ATG10: variants seen among roughly 807,000 people sequenced by gnomAD.
The protein encoded by ATG10 is autophagy related 10.
In ATG10, 30 loss-of-function variants were observed where a neutral mutation model predicts 32.1. The ratio of observed to expected loss-of-function variants is 0.94; its 90% CI spans 0.70 to 1.27. The LOEUF (loss-of-function observed/expected upper bound fraction) is 1.27, where lower values mean the gene tolerates loss of function less well. Ranked by LOEUF, ATG10 falls within the 50% of genes most tolerant of loss-of-function variation. The pLI is 0.00. For synonymous variants in ATG10, 87 were observed against 91.5 expected (o/e 0.95, Z 0.28); for missense variants, 233 against 262.3 (o/e 0.89, Z 0.77).
intron 3 of ATG10, among the ~76,000 whole-genome samples, chr5:82,106,587 G>A (rs1765450880): frequency 6.6e-6 from 1 of 151,986 alleles, no homozygotes; most frequent in Admixed American, 6.6e-5. Flanking sequence ...TTATAGTAGA[G>A]CTAAAAGCAT....
At chr5:82,009,937 A>T in intron 2 of ATG10, 1 of 1,611,728 alleles carries the variant, frequency 6.2e-7, no homozygotes, top group South Asian at 1.1e-5. Context: ...ATTCTGTGAA[A>T]GCAGGAACCC....
chr5:82,221,646 A>G (rs1745933647), intron 5 of ATG10, among the ~76,000 whole-genome samples: 1 of 152,208 alleles, frequency 6.6e-6, no homozygotes, highest in Non-Finnish European at 1.5e-5. Flanking sequence ...CGAAGCCACC[A>G]TTTATTTGAT....
intron 3 of ATG10, among the ~76,000 whole-genome samples, chr5:82,127,689 T>C (rs1766337886): frequency 6.6e-6 from 1 of 152,124 alleles, no homozygotes; most frequent in Non-Finnish European, 1.5e-5. Context: ...CTGAGGAGTA[T>C]TTTATTTCCA....
chr5:82,052,636 C>G (rs1289130257), intron 2 of ATG10, among the ~76,000 whole-genome samples: 1 of 152,100 alleles, frequency 6.6e-6, no homozygotes, highest in Non-Finnish European at 1.5e-5. Flanking sequence ...TTACTCAAAC[C>G]TTTAGAGGTT....
intron 3 of ATG10, among the ~76,000 whole-genome samples, chr5:82,084,296 G>C (rs1764588258): frequency 6.6e-6 from 1 of 152,130 alleles, no homozygotes; most frequent in Non-Finnish European, 1.5e-5. Context: ...AGAGTAAAAA[G>C]AAACAAACAA....
chr5:82,139,086 C>G (rs1323180775), intron 3 of ATG10, among the ~76,000 whole-genome samples: 1 of 147,986 alleles, frequency 6.8e-6, no homozygotes, highest in Admixed American at 6.7e-5. Context: ...GCGAGTGATC[C>G]GCCAACCTCG....
intron 2 of ATG10, among the ~76,000 whole-genome samples, chr5:82,036,585 A>T (rs1762932194): frequency 6.6e-6 from 1 of 151,896 alleles, no homozygotes; most frequent in Non-Finnish European, 1.5e-5. Context: ...CAAGAGTCAG[A>T]CTCCATTTCA....
chr5:82,001,790 G>A (rs1222081696), intron 2 of ATG10, among the ~76,000 whole-genome samples: 1 of 152,142 alleles, frequency 6.6e-6, no homozygotes, highest in Non-Finnish European at 1.5e-5. Flanking sequence ...TGACAAATGG[G>A]AACTAATTAA....
rs1760737601 is a variant in ATG10 at position 81,972,090 on chromosome 5, A to AGGCCAC, written c.-222_-217dup. Reference sequence around the variant, plus strand: ...AGGAGGCCGCGGACCTGACTGAAGGAGGCCACGGCCACTTCTGGTTGGCCT... The same window carrying AGGCCAC: ...AGGAGGCCGCGGACCTGACTGAAGGAGGCCACGGCCACGGCCACTTCTGGTTGGCCT... On this transcript the variant is annotated 5_prime_UTR_variant, in exon 1 of 8. Transcript: ENST00000282185. The AGGCCAC allele has an allele frequency of 6.6e-6, 1 of 152,212 alleles. No individual in the cohort carries two copies. The highest frequency in any genetic ancestry group is 1.5e-5 in the Non-Finnish European group (1 of 68,056). The allele number at this position is 152,212 out of a possible 1,614,324, so 9.4% of individuals were successfully genotyped here.
intron 2 of ATG10, among the ~76,000 whole-genome samples, chr5:82,033,256 T>C (rs1167411751): frequency 1.3e-5 from 2 of 152,162 alleles, no homozygotes; most frequent in African/African-American, 4.8e-5. Flanking sequence ...GAGTAGACGG[T>C]TCAAAATAGA....
intron 3 of ATG10, among the ~76,000 whole-genome samples, chr5:82,066,325 C>G (rs752872035): frequency 2.0e-5 from 3 of 151,994 alleles, no homozygotes; most frequent in Non-Finnish European, 4.4e-5. Flanking sequence ...GCTTGAAGTT[C>G]GATTACTGTA....
chr5:82,085,895 A>C (rs1472549231), intron 3 of ATG10, among the ~76,000 whole-genome samples: 1 of 152,098 alleles, frequency 6.6e-6, no homozygotes. Flanking sequence ...AAGTCAAGTT[A>C]TTTTATTTTT....
intron 5 of ATG10, among the ~76,000 whole-genome samples, chr5:82,248,512 T>C (rs1414442122): frequency 1.3e-5 from 2 of 152,202 alleles, no homozygotes; most frequent in Non-Finnish European, 2.9e-5. Flanking sequence ...TCAGATTCCC[T>C]CTGTTTCTAA....
chr5:82,223,620 G>A (rs1013467610), intron 5 of ATG10, among the ~76,000 whole-genome samples: 12 of 152,084 alleles, frequency 7.9e-5, no homozygotes, highest in Admixed American at 4.6e-4. Context: ...GAAATCTATG[G>A]CATGGTCTTC....
chr5:82,058,957 A>G (rs1763687367), intron 3 of ATG10, among the ~76,000 whole-genome samples: 1 of 152,142 alleles, frequency 6.6e-6, no homozygotes, highest in Non-Finnish European at 1.5e-5. Flanking sequence ...CCTGAATACC[A>G]CAGATGCCTT....
intron 3 of ATG10, among the ~76,000 whole-genome samples, chr5:82,084,875 A>G (rs1028797861): frequency 1.3e-5 from 2 of 152,210 alleles, no homozygotes; most frequent in East Asian, 3.8e-4. Context: ...CACTGCCAAA[A>G]CATGCCAAAT....
chr5:82,077,038 A>T (rs925603891), intron 3 of ATG10, among the ~76,000 whole-genome samples: 10 of 152,156 alleles, frequency 6.6e-5, no homozygotes, highest in Non-Finnish European at 1.3e-4. Context: ...TAATTTTGAG[A>T]TCCAGCTGGG....
intron 3 of ATG10, among the ~76,000 whole-genome samples, chr5:82,070,002 G>A (rs1299591961): frequency 6.6e-6 from 1 of 152,162 alleles, no homozygotes; most frequent in African/African-American, 2.4e-5. Context: ...GTTTTGGATT[G>A]TTTGCTCTTA....
At chr5:82,082,150 T>C (rs562162808) in intron 3 of ATG10, among the ~76,000 whole-genome samples, 4 of 151,988 alleles carry the variant, frequency 2.6e-5, no homozygotes, top group Non-Finnish European at 5.9e-5. Context: ...CAGATGAGAT[T>C]TGGGGGGGGG....
Sources: gnomAD v4.1 joint callset for allele counts (sites outside exome capture counted in the v4.1 genomes callset) on GRCh38, gnomAD v4.1.1 for gene constraint, MANE v1.5 for transcripts, NCBI Gene and HGNC (gene_info 2026-07-23, HGNC 2026-07-21) for gene names.